The following PTBP1 variants were observed in gnomAD, a reference collection of about 807,000 sequenced individuals.
The protein encoded by PTBP1 is polypyrimidine tract-binding protein 1.
Under a neutral mutation model 59.8 loss-of-function variants are expected in PTBP1, and 8 were observed. The ratio of observed to expected loss-of-function variants is 0.13; its 90% CI spans 0.08 to 0.24. The LOEUF (loss-of-function observed/expected upper bound fraction) is 0.24, where lower values mean the gene tolerates loss of function less well. PTBP1 is among the 10% of genes least tolerant of loss of function. PTBP1 has a pLI of 1.00. For synonymous variants in PTBP1, 490 were observed against 320.7 expected (o/e 1.53, Z -5.64); for missense variants, 686 against 767.0 (o/e 0.89, Z 1.25).
Position 810,623 on chromosome 19 carries a change from G to A in PTBP1, c.1541+3G>A, listed in dbSNP as rs1283621224. 1.4e-5 allele frequency: 22 copies of A among 1,613,764 alleles called. No individual in the cohort carries two copies. Among genetic ancestry groups the A allele is most frequent in the Non-Finnish European group, 1.9e-5 (22 of 1,179,896 alleles). On this transcript the variant is annotated splice_donor_region_variant and intron_variant, in intron 14 of 14. Transcript: ENST00000356948. ...GTCAAAGGATTCAAGTTCTTCCAGTGAGTATGAGGCGGGCTGTCCCTGGCT... is the reference window on the plus strand; with the variant it reads ...GTCAAAGGATTCAAGTTCTTCCAGTAAGTATGAGGCGGGCTGTCCCTGGCT...
Position 804,107 on chromosome 19 carries a change from A to G in PTBP1, c.187A>G (p.Ile63Val), listed in dbSNP as rs1277436340. Residue 63 changes from isoleucine to valine, a missense_variant, in exon 4 of 15, where the codon ATC (isoleucine) becomes GTC (valine). Transcript: ENST00000356948. ...AGGCGTCCCCTCTAGAGTGATCCAC[A>G]TCCGGAAGCTCCCCATCGACGTCAC... ...SAGVPSRVIH[I>V]RKLPIDVTEG... The G allele has an allele frequency of 1.2e-6, 2 of 1,613,970 alleles. No homozygotes were observed. Among genetic ancestry groups the G allele is most frequent in the Non-Finnish European group, 1.7e-6 (2 of 1,179,948 alleles).
In PTBP1 at chr19:806,430, C is replaced by G. The variant is rs199836672; in HGVS notation, c.993C>G (p.His331Gln). The G allele has an allele frequency of 1.9e-6, 3 of 1,602,508 alleles. No homozygotes were observed. The highest frequency in any genetic ancestry group is 2.7e-5 in the African/African-American group (2 of 73,400). Residue 331 changes from histidine (H) to glutamine (Q), a missense_variant, in exon 10 of 15, where the codon CAC (histidine) becomes CAG (glutamine). By Grantham distance (24) the His-to-Gln change is conservative. Coordinates refer to ENST00000356948, the MANE Select transcript of PTBP1 (RefSeq NM_002819.5). Reference protein sequence around the residue: ...QAAGLSVPNVHGALAPLAIPS... With the variant: ...QAAGLSVPNVQGALAPLAIPS... The stretch of plus-strand genomic sequence containing the variant: ...CAGGCCTTTCCGTTCCGAACGTCCA[C>G]GGCGCCCTGGCCCCCCTGGCCATCC...
intron 2 of PTBP1, among the ~76,000 whole-genome samples, chr19:801,218 G>A (rs1011391416): frequency 1.3e-5 from 2 of 152,176 alleles, no homozygotes; most frequent in Non-Finnish European, 2.9e-5. Flanking sequence ...GCCCTGAAGG[G>A]ACCCTCCTGG....
chr19:803,431 AGTGTGG>A (rs1231976641), intron 2 of PTBP1, 124 bp from the exon 3 acceptor site: 4 of 722,470 alleles, frequency 5.5e-6, no homozygotes, highest in South Asian at 3.3e-5. Flanking sequence ...CTGCCGTGGA[AGTGTGG>A]GTGTGGGTAT....
chr19:810,653 C>G (rs1412254045), intron 14 of PTBP1, 33 bp downstream of exon 14: 5 of 1,612,092 alleles, frequency 3.1e-6, no homozygotes, highest in Middle Eastern at 1.7e-4. Context: ...CTGGCTCTCC[C>G]CAGGCTGCCC....
At chr19:799,681 T>C (rs568329067) in intron 2 of PTBP1, among the ~76,000 whole-genome samples, 14 of 152,360 alleles carry the variant, frequency 9.2e-5, no homozygotes, top group African/African-American at 2.9e-4. Context: ...TGAGCTGCTC[T>C]TCGGTTCTTG....
At chr19:807,219 A>G (rs895452065) in intron 10 of PTBP1, 2 of 152,434 alleles carry the variant, frequency 1.3e-5, no homozygotes, top group South Asian at 2.1e-4. Flanking sequence ...GAGGCCGTGC[A>G]CTAACAGACT....
intron 1 of PTBP1, among the ~76,000 whole-genome samples, chr19:799,099 T>C (rs77100342): frequency 0.014 from 2,136 of 152,332 alleles, 57 homozygotes; most frequent in African/African-American, 0.049. Flanking sequence ...CATCTAGCAT[T>C]CCTCGGGGCT....
rs1016140662 is a variant in PTBP1, at chr19:803,724, A to C, written c.115+88A>C. 4 of 1,215,126 alleles carry C rather than the reference A, an allele frequency of 3.3e-6. No individual in the cohort carries two copies. In the Admixed American group the frequency reaches 7.2e-5, roughly 22 times the overall value. 75.3% of individuals were successfully genotyped at this position (1,215,126 alleles called of 1,614,324 possible). A position where few individuals can be genotyped will look rare whatever the true frequency, so the allele number is the denominator to read the frequency against. On this transcript the variant is annotated intron_variant, in intron 3 of 14. Transcript: ENST00000356948. Reference sequence around the variant, plus strand: ...TTCTTGTTCTGGGACTCTACTTTCCATCTCCAACTGCAGGGGCCCATGGTC... The same window carrying C: ...TTCTTGTTCTGGGACTCTACTTTCCCTCTCCAACTGCAGGGGCCCATGGTC...
intron 1 of PTBP1, among the ~76,000 whole-genome samples, 180 bp downstream of exon 1, chr19:797,685 G>C (rs1008225036): frequency 4.0e-5 from 6 of 149,142 alleles, no homozygotes; most frequent in African/African-American, 1.5e-4. Flanking sequence ...GCTTCCCGGG[G>C]GTCTGGCCGC....
chr19:811,362 AG>A lies in PTBP1; in HGVS notation c.*539del, dbSNP rs2034862386. 6.6e-6 allele frequency: 1 copy of A among 151,446 alleles called. No homozygotes were observed. Among genetic ancestry groups the A allele is most frequent in the Admixed American group, 6.6e-5 (1 of 15,262 alleles). 9.4% of individuals were successfully genotyped at this position (151,446 alleles called of 1,614,324 possible). A position where few individuals can be genotyped will look rare whatever the true frequency, so the allele number is the denominator to read the frequency against. On this transcript the variant is annotated 3_prime_UTR_variant, in exon 15 of 15. Coordinates refer to ENST00000356948, the MANE Select transcript of PTBP1 (RefSeq NM_002819.5). ...GTGATTCTCCCTTCACCCCGCCCCC[AG>A]GGCCTTCCCTTCTGCCCCCAGGCGG...
At position 804,989 on chromosome 19, in the gene PTBP1, G is replaced by T. The variant is rs556794966; in HGVS notation, c.718-24G>T. ...CCCGCCCTGGCCCTGGCCCGGCGAC[G>T]TCTCACGGTCCCTCTCCCCTCAGTC... On this transcript the variant is annotated intron_variant, in intron 7 of 14. Transcript: ENST00000356948. 2.2e-5 allele frequency: 36 copies of T among 1,612,568 alleles called. No individual in the cohort carries two copies. The South Asian group carries it at 3.5e-4, about 16-fold the overall frequency.
At chr19:807,827 T>A in intron 10 of PTBP1, 42 bp from the exon 11 acceptor site, 1 of 1,584,692 alleles carries the variant, frequency 6.3e-7, no homozygotes, top group Non-Finnish European at 8.7e-7. Context: ...GACCTCTCCC[T>A]CTCCCCTGTC....
At position 810,435 on chromosome 19, in the gene PTBP1, A is replaced by G. The variant is rs937876381; in HGVS notation, c.1464-108A>G. ...CATTTCTGGGCTCCTAAAAGGCCCT[A>G]CGCCTTCCCCGGCTACTCTGAAAAC... On this transcript the variant is annotated intron_variant, in intron 13 of 14. Coordinates refer to ENST00000356948, the MANE Select transcript of PTBP1 (RefSeq NM_002819.5). 1.9e-5 allele frequency: 17 copies of G among 887,408 alleles called. No individual in the cohort carries two copies. The African/African-American group carries it at 2.2e-4, about 12-fold the overall frequency. 55.0% of individuals were successfully genotyped at this position (887,408 alleles called of 1,614,324 possible). A position where few individuals can be genotyped will look rare whatever the true frequency, so the allele number is the denominator to read the frequency against.
At position 804,581 on chromosome 19, in the gene PTBP1, T is replaced by C; in HGVS notation, c.485T>C (p.Leu162Pro). 2 of 1,610,752 alleles carry C rather than the reference T, an allele frequency of 1.2e-6. No individual in the cohort carries two copies. The highest frequency in any genetic ancestry group is 1.7e-6 in the Non-Finnish European group (2 of 1,179,404). The change falls in exon 6 of 15, where the codon CTG becomes CCG. Residue 162 changes from leucine (L) to proline (P), a missense_variant. Physicochemically the swap from Leu to Pro is moderately conservative, Grantham distance 98 (BLOSUM62 -3). Transcript: ENST00000356948. ...QAVNSVQSGNLALAASAAAVD... is the reference protein window; with the variant it reads ...QAVNSVQSGNPALAASAAAVD... Reference sequence around the variant, plus strand: ...GTGAACTCGGTCCAGTCGGGGAACCTGGCCTTGGCTGCCTCGGCGGCGGCC... The same window carrying C: ...GTGAACTCGGTCCAGTCGGGGAACCCGGCCTTGGCTGCCTCGGCGGCGGCC...
chr19:797,696 G>A (rs1423830083), intron 1 of PTBP1, among the ~76,000 whole-genome samples, 191 bp downstream of exon 1: 2 of 148,962 alleles, frequency 1.3e-5, no homozygotes, highest in African/African-American at 4.9e-5. Flanking sequence ...GTCTGGCCGC[G>A]TCCCCATCCC....
Position 808,547 on chromosome 19 carries a change from C to T in PTBP1, c.1248C>T (p.Ala416=), listed in dbSNP as rs753076587. The change falls in exon 13 of 15, where the codon GCC becomes GCT. Residue 416 remains alanine (A), a splice_region_variant and synonymous_variant. Transcript: ENST00000356948. The surrounding 1 kb of genome is among the most constrained non-coding windows in gnomAD (Gnocchi z 4.7). The part of the protein sequence containing the change: ...QMADGNQAQL[A]MSHLNGHKLH... ...GTCACGCGGGTGCTGCTCCCCCAGC[C>T]ATGAGCCACCTGAACGGGCACAAGC... 7 of 1,588,372 alleles carry T rather than the reference C, an allele frequency of 4.4e-6. No individual in the cohort carries two copies. The Admixed American group carries it at 1.1e-4, about 24-fold the overall frequency.
rs372199932 is a variant in PTBP1, at chr19:808,703, C to T, written c.1404C>T (p.Gly468=). Residue 468 remains glycine, a synonymous_variant, in exon 13 of 15, where the codon GGC becomes GGT. Coordinates refer to ENST00000356948, the MANE Select transcript of PTBP1 (RefSeq NM_002819.5). This position sits in a 1 kb window ranked among gnomAD's most constrained non-coding sequence, Gnocchi z 4.7. ...CCCTGCACCGCTTCAAGAAGCCGGGCTCCAAGAACTTCCAGAACATATTCC... is the reference window on the plus strand; with the variant it reads ...CCCTGCACCGCTTCAAGAAGCCGGGTTCCAAGAACTTCCAGAACATATTCC... ...NSPLHRFKKP[G]SKNFQNIFPP... 12 of 1,613,210 alleles carry T rather than the reference C, an allele frequency of 7.4e-6. No homozygotes were observed. Among genetic ancestry groups the T allele is most frequent in the Non-Finnish European group, 9.3e-6 (11 of 1,179,956 alleles).
At chr19:798,133 G>A (rs1292022465) in intron 1 of PTBP1, among the ~76,000 whole-genome samples, 1 of 152,022 alleles carries the variant, frequency 6.6e-6, no homozygotes, top group Non-Finnish European at 1.5e-5. Flanking sequence ...GCGGCCAAGG[G>A]GTTTCGGTGA....
Sources: gnomAD v4.1 joint callset for allele counts (sites outside exome capture counted in the v4.1 genomes callset) on GRCh38, gnomAD v4.1.1 for gene constraint, Gnocchi (gnomAD v3.1) non-coding constraint, MANE v1.5 for transcripts, NCBI Gene and HGNC (gene_info 2026-07-23, HGNC 2026-07-21) for gene names.